Variants in NAALADL2 observed in about 807,000 individuals in gnomAD.
NAALADL2 encodes the protein inactive N-acetylated-alpha-linked acidic dipeptidase-like protein 2.
A neutral mutation model predicts 87.2 loss-of-function variants in NAALADL2; 76 were observed. That is an observed-to-expected ratio of 0.87 (90% CI 0.72 to 1.05). The LOEUF is 1.05. NAALADL2 is among the 50% of genes least tolerant of loss of function. NAALADL2 has a pLI of 0.00. For synonymous variants in NAALADL2, 354 were observed against 331.0 expected, an observed-to-expected ratio of 1.07 and a Z score of -0.75; for missense variants, 1,089 against 945.8, an observed-to-expected ratio of 1.15 and a Z score of -1.99.
At chr3:174,946,179 G>T (rs896008778) in intron 1 of NAALADL2, among the ~76,000 whole-genome samples, 1 of 150,874 alleles carries the variant, frequency 6.6e-6, no homozygotes, top group South Asian at 2.1e-4. Flanking sequence ...AGCCTATCAA[G>T]AATTTGAGCT....
At chr3:175,697,727 AT>A (rs922262073) in intron 11 of NAALADL2, among the ~76,000 whole-genome samples, 1 of 148,778 alleles carries the variant, frequency 6.7e-6, no homozygotes, top group Non-Finnish European at 1.5e-5. Context: ...AAAAAAGCAA[AT>A]TTATATATTT....
intron 1 of NAALADL2, among the ~76,000 whole-genome samples, chr3:174,982,109 A>G (rs914849570): frequency 6.6e-6 from 1 of 152,214 alleles, no homozygotes; most frequent in Admixed American, 6.5e-5. Flanking sequence ...GGCAGTGTCT[A>G]CAACATACAA....
At chr3:174,535,162 G>A (rs1039830072) in intron 1 of NAALADL2, among the ~76,000 whole-genome samples, 5 of 152,112 alleles carry the variant, frequency 3.3e-5, no homozygotes, top group African/African-American at 1.2e-4. Context: ...TTGACTAGCA[G>A]GGCAGAATTT....
intron 1 of NAALADL2, among the ~76,000 whole-genome samples, chr3:175,060,212 T>C (rs1048600032): frequency 1.3e-5 from 2 of 152,182 alleles, no homozygotes; most frequent in African/African-American, 4.8e-5. Flanking sequence ...AAGAGAAAGA[T>C]GAAAGTGCTC....
At chr3:174,963,940 G>A (rs1423654121) in intron 1 of NAALADL2, among the ~76,000 whole-genome samples, 2 of 151,822 alleles carry the variant, frequency 1.3e-5, no homozygotes, top group East Asian at 1.9e-4. Flanking sequence ...TGTAAATAAT[G>A]TTGAAGGTCA....
At chr3:175,678,013 G>T (rs1312566046) in intron 11 of NAALADL2, among the ~76,000 whole-genome samples, 1 of 152,104 alleles carries the variant, frequency 6.6e-6, no homozygotes, top group Non-Finnish European at 1.5e-5. Context: ...TGGGAAATTT[G>T]GAAGATTCAA....
chr3:175,459,909 ATTC>A (rs1437913928), intron 6 of NAALADL2: 3 of 302,592 alleles, frequency 9.9e-6, no homozygotes, highest in Non-Finnish European at 1.9e-5. Flanking sequence ...ATCTCTCTGT[ATTC>A]TTTTCACTTA....
rs139070660 is a variant in NAALADL2 at position 175,047,706 on chromosome 3, G to T, written c.44-49084G>T. On this transcript the variant is annotated intron_variant, in intron 1 of 13. Transcript: ENST00000454872. ...AGATTAATTTTTCCTTTAGTATTTTGATAAACTGAGACTAGATCAAAGAAT... is the reference window on the plus strand; with the variant it reads ...AGATTAATTTTTCCTTTAGTATTTTTATAAACTGAGACTAGATCAAAGAAT... Among the ~76,000 whole-genome samples the T allele has an allele frequency of 3.3e-5, 5 of 152,174 alleles. No homozygotes were observed. The East Asian group carries it at 9.7e-4, about 29-fold the overall frequency.
intron 1 of NAALADL2, among the ~76,000 whole-genome samples, chr3:174,972,950 C>T (rs1029462356): frequency 6.1e-5 from 9 of 147,530 alleles, no homozygotes; most frequent in South Asian, 2.1e-4. Flanking sequence ...GAGCTGAGAT[C>T]GTGCCATTGC....
intron 1 of NAALADL2, among the ~76,000 whole-genome samples, chr3:175,044,366 G>C (rs1012353420): frequency 2.6e-5 from 4 of 152,092 alleles, no homozygotes; most frequent in Non-Finnish European, 4.4e-5. Flanking sequence ...TCCAGTCTGA[G>C]ATGGTCTTGC....
chr3:174,882,727 A>G (rs891505141), intron 1 of NAALADL2, among the ~76,000 whole-genome samples: 1 of 147,904 alleles, frequency 6.8e-6, no homozygotes, highest in African/African-American at 2.5e-5. Flanking sequence ...ATATGTGTAT[A>G]TGTGTATCTA....
chr3:175,558,221 A>C (rs1715661169), intron 9 of NAALADL2, among the ~76,000 whole-genome samples: 2 of 151,448 alleles, frequency 1.3e-5, no homozygotes, highest in Admixed American at 6.6e-5. Flanking sequence ...AAAAAAAGAA[A>C]GAAAGAAAGA....
intron 11 of NAALADL2, among the ~76,000 whole-genome samples, chr3:175,704,232 A>G (rs1029730779): frequency 2.0e-5 from 3 of 152,154 alleles, no homozygotes; most frequent in African/African-American, 7.2e-5. Context: ...AATATTAGCT[A>G]TTATTAGTAG....
In NAALADL2 at chr3:174,492,037, A is replaced by G. The variant is rs1210654389; in HGVS notation, c.-184+51005A>G. On this transcript the variant is annotated intron_variant, in intron 1 of 3. Transcript: ENST00000434257. ...GTAATCCCAGCACTTTAGGAGGCCA[A>G]GGTGGGTGGATCACCTGAGGTAAGG... Among the ~76,000 whole-genome samples, 4 of 152,270 alleles carry G rather than the reference A, an allele frequency of 2.6e-5. No individual in the cohort carries two copies. In the South Asian group the frequency reaches 6.2e-4, roughly 24 times the overall value.
intron 1 of NAALADL2, among the ~76,000 whole-genome samples, chr3:174,494,689 T>C (rs1440502747): frequency 4.0e-5 from 6 of 151,876 alleles, no homozygotes; most frequent in Admixed American, 1.3e-4. Context: ...AGCAAGGTAA[T>C]AGCCATAAGA....
At chr3:175,423,854 A>G (rs1047053751) in intron 5 of NAALADL2, among the ~76,000 whole-genome samples, 2 of 152,172 alleles carry the variant, frequency 1.3e-5, no homozygotes, top group Non-Finnish European at 2.9e-5. Flanking sequence ...GACTTCCACA[A>G]TGGTTGAACT....
intron 1 of NAALADL2, among the ~76,000 whole-genome samples, chr3:175,037,751 A>G (rs745440756): frequency 2.0e-5 from 3 of 152,084 alleles, no homozygotes; most frequent in Non-Finnish European, 4.4e-5. Flanking sequence ...ATTCTGGTAT[A>G]CACATCCTAG....
intron 13 of NAALADL2, among the ~76,000 whole-genome samples, chr3:175,787,073 A>T (rs1203659416): frequency 6.6e-6 from 1 of 152,116 alleles, no homozygotes; most frequent in East Asian, 1.9e-4. Flanking sequence ...GCCTGTTCTC[A>T]GATCTCCAGC....
intron 3 of NAALADL2, among the ~76,000 whole-genome samples, chr3:175,246,253 T>A (rs903330636): frequency 6.6e-6 from 1 of 152,178 alleles, no homozygotes; most frequent in Non-Finnish European, 1.5e-5. Context: ...GATTTATATA[T>A]GATAGTAGGA....
Sources: allele counts gnomAD v4.1 joint callset (sites outside exome capture counted in the v4.1 genomes callset), GRCh38; gene constraint gnomAD v4.1.1; transcripts MANE v1.5; gene names NCBI Gene and HGNC (gene_info 2026-07-23, HGNC 2026-07-21).